The following PPP3CB variants were observed in gnomAD, a reference collection of about 807,000 sequenced individuals.
PPP3CB encodes protein phosphatase 3 catalytic subunit beta.
Under a neutral mutation model 66.4 loss-of-function variants are expected in PPP3CB, and 8 were observed. The observed-to-expected ratio is 0.12, with a 90% CI of 0.07 to 0.22. The LOEUF (loss-of-function observed/expected upper bound fraction) is 0.22. Ranked by LOEUF, PPP3CB falls within the 10% of genes least tolerant of loss-of-function variation. The pLI is 1.00. For missense variants in PPP3CB, 319 were observed against 642.5 expected (o/e 0.50, Z 5.44); for synonymous variants, 208 against 221.2 (o/e 0.94, Z 0.53).
At position 73,439,887 on chromosome 10, in the gene PPP3CB, T is replaced by C. The variant is rs759360490; in HGVS notation, c.1381A>G (p.Ile461Val). The C allele has an allele frequency of 6.8e-6, 11 of 1,613,670 alleles. No individual in the cohort carries two copies. The highest frequency in any genetic ancestry group is 9.3e-6 in the Non-Finnish European group (11 of 1,179,676). ...CTGATCATACCTTTTTCAGCCTCAA[T>C]AGCCTCAACTGTGGCTGTACAGAAG... ...QTLQSATVEA[I>V]EAEKAIRGFS... The change falls in exon 13 of 14, where the codon ATT becomes GTT. Residue 461 changes from isoleucine (I) to valine (V), a missense_variant. This residue lies in a region of PPP3CB where 120 missense variants were observed against 331.2 expected (regional missense o/e 0.36). Coordinates refer to ENST00000360663, the MANE Select transcript of PPP3CB (RefSeq NM_021132.4).
chr10:73,484,609 T>C (rs1197205555), intron 1 of PPP3CB, among the ~76,000 whole-genome samples: 3 of 151,914 alleles, frequency 2.0e-5, no homozygotes, highest in Admixed American at 6.6e-5. Flanking sequence ...TTTGCCTCCA[T>C]ATATACTTTT....
rs1396590731 is a variant in PPP3CB at position 73,451,996 on chromosome 10, T to G, written c.1186+2416A>C. ...CTCCTGACCTCATGATCCACCCGCC[T>G]CAGCCTCCCAAAGTGCTGGGATTAC... On this transcript the variant is annotated intron_variant, in intron 10 of 13. Coordinates refer to ENST00000360663, the MANE Select transcript of PPP3CB (RefSeq NM_021132.4). Among the ~76,000 whole-genome samples the G allele has an allele frequency of 3.3e-5, 5 of 151,790 alleles. No homozygotes were observed. The South Asian group carries it at 8.3e-4, about 25-fold the overall frequency.
At position 73,437,997 on chromosome 10, in the gene PPP3CB, T is replaced by C; in HGVS notation, c.*245A>G. ...AAATGGAGGTGTGGATGCCCTCCAC[T>C]GGAAATTGCCCCAAGCCCCTTGCTC... On this transcript the variant is annotated 3_prime_UTR_variant, in exon 14 of 14. Coordinates refer to ENST00000360663, the MANE Select transcript of PPP3CB (RefSeq NM_021132.4). 2.6e-6 allele frequency: 1 copy of C among 382,352 alleles called. No individual in the cohort carries two copies. The allele number at this position is 382,352 out of a possible 1,614,324, so 23.7% of individuals were successfully genotyped here.
At chr10:73,462,717 A>T (rs903531137) in intron 9 of PPP3CB, among the ~76,000 whole-genome samples, 3 of 152,064 alleles carry the variant, frequency 2.0e-5, no homozygotes, top group Non-Finnish European at 4.4e-5. Flanking sequence ...TGGGAGGTTG[A>T]GGTGGGCGGA....
At position 73,448,762 on chromosome 10, in the gene PPP3CB, G is replaced by C. The variant is rs1010593628; in HGVS notation, c.1187-2189C>G. On this transcript the variant is annotated intron_variant, in intron 10 of 13. Transcript: ENST00000360663. Reference sequence around the variant, plus strand: ...GGTGGTTGGGACAAATAAAAAGATAGAGATTTAACTTGGCAGTGGTACTGA... The same window carrying C: ...GGTGGTTGGGACAAATAAAAAGATACAGATTTAACTTGGCAGTGGTACTGA... 6 of 532,296 alleles carry C rather than the reference G, an allele frequency of 1.1e-5. No individual in the cohort carries two copies. The African/African-American group carries it at 1.2e-4, about 10-fold the overall frequency. The allele number at this position is 532,296 out of a possible 1,614,324, so 33.0% of individuals were successfully genotyped here.
At chr10:73,493,799 C>G (rs2057117684) in intron 1 of PPP3CB, among the ~76,000 whole-genome samples, 1 of 152,188 alleles carries the variant, frequency 6.6e-6, no homozygotes, top group African/African-American at 2.4e-5. Flanking sequence ...TCCTATTTAT[C>G]TAAATCAAAT....
chr10:73,495,811 C>T lies in PPP3CB; in HGVS notation c.79G>A (p.Val27Ile). The T allele has an allele frequency of 6.5e-7, 1 of 1,545,320 alleles. No homozygotes were observed. Among genetic ancestry groups the T allele is most frequent in the Non-Finnish European group, 8.7e-7 (1 of 1,143,904 alleles). Residue 27 changes from valine (V) to isoleucine (I), a missense_variant, in exon 1 of 14, where the codon GTC (valine) becomes ATC (isoleucine). Val to Ile is a conservative substitution (Grantham distance 29). Transcript: ENST00000360663. Reference sequence around the variant, plus strand: ...GGTTTCGTCCACCTCTCACCTTTGACGACGCGGTCAGCCCCGGGAGGGGGC... The same window carrying T: ...GGTTTCGTCCACCTCTCACCTTTGATGACGCGGTCAGCCCCGGGAGGGGGC... ...PPPPPGADRV[V>I]KAVPFPPTHR...
chr10:73,459,213 G>C (rs919947428), intron 9 of PPP3CB, among the ~76,000 whole-genome samples: 1 of 152,242 alleles, frequency 6.6e-6, no homozygotes, highest in Admixed American at 6.5e-5. Context: ...CATAGGCCGG[G>C]CATGGTGGCT....
At chr10:73,477,159 T>C (rs970997812) in intron 3 of PPP3CB, 1 of 518,828 alleles carries the variant, frequency 1.9e-6, no homozygotes. Context: ...AGTACTTACC[T>C]CATTAATATT....
chr10:73,469,741 C>A (rs1419137824), intron 8 of PPP3CB, among the ~76,000 whole-genome samples: 1 of 152,190 alleles, frequency 6.6e-6, no homozygotes, highest in African/African-American at 2.4e-5. Flanking sequence ...CTCTGTTCCT[C>A]TTTTGAACTT....
chr10:73,444,868 C>G, intron 11 of PPP3CB, 46 bp from the exon 12 acceptor site: 3 of 1,587,798 alleles, frequency 1.9e-6, no homozygotes, highest in Non-Finnish European at 1.7e-6. Flanking sequence ...CCAACAAGTA[C>G]TTAATTTAAA....
chr10:73,458,192 A>C (rs1335928197), intron 9 of PPP3CB, among the ~76,000 whole-genome samples: 2 of 152,184 alleles, frequency 1.3e-5, no homozygotes, highest in Non-Finnish European at 2.9e-5. Context: ...GCTGGAGTGC[A>C]GTGGTGTGAT....
chr10:73,487,925 C>T (rs1032705750), intron 1 of PPP3CB, among the ~76,000 whole-genome samples: 1 of 151,932 alleles, frequency 6.6e-6, no homozygotes, highest in East Asian at 1.9e-4. Context: ...GGATTACAGG[C>T]GCCCACCATC....
intron 12 of PPP3CB, among the ~76,000 whole-genome samples, 153 bp from the exon 13 acceptor site, chr10:73,440,054 G>C (rs555986350): frequency 6.6e-6 from 1 of 152,142 alleles, no homozygotes; most frequent in South Asian, 2.1e-4. Context: ...CCAAATTAGA[G>C]AGCCCCATCC....
At chr10:73,439,235 C>T (rs1376310433) in intron 13 of PPP3CB, among the ~76,000 whole-genome samples, 2 of 152,136 alleles carry the variant, frequency 1.3e-5, no homozygotes, top group African/African-American at 4.8e-5. Context: ...TTAATATCTG[C>T]AATCCTTAGG....
At chr10:73,449,029 G>T (rs1442478281) in intron 10 of PPP3CB, among the ~76,000 whole-genome samples, 1 of 152,150 alleles carries the variant, frequency 6.6e-6, no homozygotes, top group African/African-American at 2.4e-5. Flanking sequence ...AAAAAAGACT[G>T]CTAACAAATA....
chr10:73,495,694 C>T (rs2057194171), intron 1 of PPP3CB, 111 bp downstream of exon 1: 4 of 1,436,342 alleles, frequency 2.8e-6, no homozygotes, highest in Non-Finnish European at 3.7e-6. Flanking sequence ...GGGAGGCAGC[C>T]AGTCACTCGC....
intron 3 of PPP3CB, chr10:73,477,258 T>G (rs778556290): frequency 1.9e-6 from 1 of 515,370 alleles, no homozygotes; most frequent in South Asian, 1.4e-5. Context: ...TGGTAGAAAT[T>G]TGACCCCACA....
At chr10:73,468,005 T>C (rs1193201120) in intron 8 of PPP3CB, among the ~76,000 whole-genome samples, 2 of 152,166 alleles carry the variant, frequency 1.3e-5, no homozygotes, top group African/African-American at 4.8e-5. Context: ...GAAAACTCAG[T>C]TTTTAGAGGA....
Sources: gnomAD v4.1 joint callset for allele counts (sites outside exome capture counted in the v4.1 genomes callset) on GRCh38, gnomAD v4.1.1 for gene constraint, gnomAD v4.1.1 regional missense constraint, MANE v1.5 for transcripts, NCBI Gene and HGNC (gene_info 2026-07-23, HGNC 2026-07-21) for gene names.